The following KSR2 variants were observed in gnomAD, a reference collection of about 807,000 sequenced individuals.
KSR2 encodes kinase suppressor of ras 2.
Under a neutral mutation model 107.8 loss-of-function variants are expected in KSR2, and 25 were observed. The observed-to-expected ratio is 0.23, with a 90% CI of 0.17 to 0.32. The LOEUF is 0.32. Ranked by LOEUF, KSR2 falls within the 10% of genes least tolerant of loss-of-function variation. The pLI is 1.00. For synonymous variants in KSR2, 480 were observed against 507.0 expected, an observed-to-expected ratio of 0.95 and a Z score of 0.71; for missense variants, 887 against 1,268.9, an observed-to-expected ratio of 0.70 and a Z score of 4.57.
intron 7 of KSR2, among the ~76,000 whole-genome samples, chr12:117,572,071 C>T (rs1002868652): frequency 2.6e-5 from 4 of 152,148 alleles, no homozygotes; most frequent in East Asian, 1.9e-4. Flanking sequence ...AACCCATCTC[C>T]GCTCTCCCCC....
intron 3 of KSR2, among the ~76,000 whole-genome samples, chr12:117,817,159 A>C (rs1891401166): frequency 6.6e-6 from 1 of 152,158 alleles, no homozygotes; most frequent in African/African-American, 2.4e-5. Context: ...ATTCATGAAA[A>C]AGTTTCAATA....
At chr12:117,885,540 T>C (rs988846141) in intron 1 of KSR2, among the ~76,000 whole-genome samples, 3 of 152,012 alleles carry the variant, frequency 2.0e-5, no homozygotes, top group Non-Finnish European at 2.9e-5. Flanking sequence ...ATAATATGCA[T>C]ATATTTATAG....
chr12:117,760,763 A>C (rs1042358892), intron 4 of KSR2, among the ~76,000 whole-genome samples: 3 of 152,260 alleles, frequency 2.0e-5, no homozygotes, highest in African/African-American at 4.8e-5. Context: ...TTACAAAATC[A>C]GGCCGGGTAT....
At chr12:117,845,196 G>C (rs1232644737) in intron 3 of KSR2, among the ~76,000 whole-genome samples, 1 of 152,150 alleles carries the variant, frequency 6.6e-6, no homozygotes, top group African/African-American at 2.4e-5. Flanking sequence ...ATCAGACAGC[G>C]AGCCCCTTTT....
chr12:117,782,982 C>T (rs1889938063), intron 3 of KSR2, among the ~76,000 whole-genome samples: 1 of 152,084 alleles, frequency 6.6e-6, no homozygotes, highest in Non-Finnish European at 1.5e-5. Context: ...AAGTAAGATC[C>T]ATGGTGTTTA....
At chr12:117,739,764 T>A (rs775443587) in intron 4 of KSR2, among the ~76,000 whole-genome samples, 10 of 152,050 alleles carry the variant, frequency 6.6e-5, no homozygotes, top group Non-Finnish European at 1.3e-4. Flanking sequence ...AGAGACAGGA[T>A]GAGGTAAGAT....
intron 7 of KSR2, among the ~76,000 whole-genome samples, chr12:117,574,798 G>C (rs566295365): frequency 6.6e-6 from 1 of 151,630 alleles, no homozygotes; most frequent in Non-Finnish European, 1.5e-5. Flanking sequence ...TGATGGTGCT[G>C]GTCCAGGGAC....
chr12:117,649,120 A>C (rs1883780272), intron 5 of KSR2, among the ~76,000 whole-genome samples: 1 of 152,200 alleles, frequency 6.6e-6, no homozygotes, highest in African/African-American at 2.4e-5. Flanking sequence ...TGCCAGATGA[A>C]GAAACCAAGG....
intron 3 of KSR2, among the ~76,000 whole-genome samples, chr12:117,844,793 C>T (rs1373319479): frequency 6.6e-6 from 1 of 152,130 alleles, no homozygotes; most frequent in Admixed American, 6.5e-5. Context: ...CCCAGAGTGG[C>T]AGATTTGAGC....
At chr12:117,870,514 C>T (rs1005108226) in intron 1 of KSR2, among the ~76,000 whole-genome samples, 2 of 151,960 alleles carry the variant, frequency 1.3e-5, no homozygotes, top group African/African-American at 2.4e-5. Context: ...ACAGGAGAAT[C>T]GCTTGGATTT....
In KSR2 at chr12:117,593,374, G is replaced by A. The variant is rs114511193; in HGVS notation, c.1172-11015C>T. Among the ~76,000 whole-genome samples the A allele has an allele frequency of 4.9e-3, 749 of 152,322 alleles. 5 individuals carry two copies. The highest frequency in any genetic ancestry group is 0.017 in the African/African-American group (708 of 41,568). On this transcript the variant is annotated intron_variant, in intron 5 of 19. Transcript: ENST00000339824. Reference sequence around the variant, plus strand: ...AAATAAACCAACAGAAACAGCAGTAGCTTGATAGGTGCAGGGCAGGGGGAG... The same window carrying A: ...AAATAAACCAACAGAAACAGCAGTAACTTGATAGGTGCAGGGCAGGGGGAG...
intron 3 of KSR2, among the ~76,000 whole-genome samples, chr12:117,776,633 C>T (rs1417988294): frequency 2.6e-5 from 4 of 152,054 alleles, no homozygotes; most frequent in Non-Finnish European, 4.4e-5. Context: ...TTGATGGTCG[C>T]TGTCATCTCA....
chr12:117,581,894 G>GT (rs1879686799), intron 6 of KSR2, among the ~76,000 whole-genome samples: 1 of 83,670 alleles, frequency 1.2e-5, no homozygotes, highest in African/African-American at 5.3e-5. Context: ...TATGTGCCAG[G>GT]CCCTTTACAA....
chr12:117,560,109 T>C (rs1878010501), intron 7 of KSR2, among the ~76,000 whole-genome samples: 1 of 152,008 alleles, frequency 6.6e-6, no homozygotes. Context: ...TCTAGTTCAG[T>C]GGTTCTGAAA....
chr12:117,712,630 A>G (rs913573204), intron 4 of KSR2, among the ~76,000 whole-genome samples: 1 of 152,218 alleles, frequency 6.6e-6, no homozygotes, highest in African/African-American at 2.4e-5. Context: ...GGCTTAACAC[A>G]GTGTCTGGCA....
intron 3 of KSR2, among the ~76,000 whole-genome samples, chr12:117,848,013 G>A (rs1892763477): frequency 6.6e-6 from 1 of 152,188 alleles, no homozygotes; most frequent in Non-Finnish European, 1.5e-5. Flanking sequence ...AGGAAGGAAA[G>A]CAGTATCTCC....
chr12:117,772,839 C>T (rs931375800), intron 3 of KSR2, among the ~76,000 whole-genome samples: 4 of 152,182 alleles, frequency 2.6e-5, no homozygotes, highest in African/African-American at 4.8e-5. Context: ...AACATCGACT[C>T]GCCCTCAAGT....
rs1057152445 is a variant in KSR2, at chr12:117,665,413, G to C, written c.1171+2061C>G. Among the ~76,000 whole-genome samples the C allele has an allele frequency of 5.3e-5, 8 of 152,268 alleles. No individual in the cohort carries two copies. The South Asian group carries it at 1.4e-3, about 28-fold the overall frequency. ...TTTTTACTCTGGCCAAAATTAAAGT[G>C]CAGAGCAGTGGCCAACCCCTGGAGG... On this transcript the variant is annotated intron_variant, in intron 5 of 19. Coordinates refer to ENST00000339824, the MANE Select transcript of KSR2 (RefSeq NM_173598.6).
intron 16 of KSR2, among the ~76,000 whole-genome samples, chr12:117,478,079 G>T (rs1871903859): frequency 1.3e-5 from 2 of 152,104 alleles, no homozygotes; most frequent in South Asian, 2.1e-4. Context: ...AGCAGTCAGC[G>T]GGAGAGGGGG....
Sources: allele counts gnomAD v4.1 joint callset (sites outside exome capture counted in the v4.1 genomes callset), GRCh38; gene constraint gnomAD v4.1.1; transcripts MANE v1.5; gene names NCBI Gene and HGNC (gene_info 2026-07-23, HGNC 2026-07-21).